Variants in PLCH2 observed in about 807,000 individuals in gnomAD.
PLCH2 encodes the protein phospholipase C eta 2.
In PLCH2, 98 loss-of-function variants were observed where a neutral mutation model predicts 134.7. The ratio of observed to expected loss-of-function variants is 0.73; its 90% CI spans 0.62 to 0.86. The LOEUF (loss-of-function observed/expected upper bound fraction) is 0.86. Ranked by LOEUF, PLCH2 falls within the 40% of genes least tolerant of loss-of-function variation. PLCH2 has a pLI of 0.00. For missense variants in PLCH2, 1,994 were observed against 1,986.6 expected (o/e 1.00, Z -0.07); for synonymous variants, 974 against 827.5 (o/e 1.18, Z -3.04).
intron 2 of PLCH2, among the ~76,000 whole-genome samples, chr1:2,432,295 A>C (rs566518303): frequency 7.6e-4 from 116 of 152,292 alleles, no homozygotes; most frequent in African/African-American, 2.6e-3. Flanking sequence ...TTGGGAGTGC[A>C]GCTTGGGGGT....
At chr1:2,447,063 C>A (rs1639977141) in intron 2 of PLCH2, among the ~76,000 whole-genome samples, 1 of 152,202 alleles carries the variant, frequency 6.6e-6, no homozygotes, top group South Asian at 2.1e-4. Flanking sequence ...CTCATGTGCT[C>A]CCAGCAGCCT....
chr1:2,424,406 T>C (rs1638669538), upstream of PLCH2, among the ~76,000 whole-genome samples: 1 of 152,202 alleles, frequency 6.6e-6, no homozygotes, highest in African/African-American at 2.4e-5. Flanking sequence ...AGGGACCAGC[T>C]TTCTACCCTG....
chr1:2,458,953 T>C (rs1452855526), intron 2 of PLCH2, among the ~76,000 whole-genome samples: 1 of 152,172 alleles, frequency 6.6e-6, no homozygotes, highest in African/African-American at 2.4e-5. Context: ...GTGCTGCTTC[T>C]CAGCAGCCTG....
chr1:2,434,935 G>A (rs1225712802), intron 2 of PLCH2, among the ~76,000 whole-genome samples: 1 of 152,216 alleles, frequency 6.6e-6, no homozygotes, highest in Non-Finnish European at 1.5e-5. Flanking sequence ...GGGAAGGCAG[G>A]CCCCTAGAAG....
intron 2 of PLCH2, among the ~76,000 whole-genome samples, chr1:2,455,084 C>T (rs1570315098): frequency 6.6e-6 from 1 of 152,320 alleles, no homozygotes; most frequent in East Asian, 1.9e-4. Flanking sequence ...TGGGCCAGAC[C>T]CCCATGATGC....
intron 2 of PLCH2, among the ~76,000 whole-genome samples, chr1:2,445,105 T>C (rs1039851548): frequency 1.4e-4 from 22 of 152,026 alleles, no homozygotes; most frequent in Admixed American, 4.6e-4. Flanking sequence ...TGGCCCCCAC[T>C]ATGTTCCCTC....
At chr1:2,477,571 G>A (rs1475351153) in intron 1 of PLCH2, among the ~76,000 whole-genome samples, 1 of 152,152 alleles carries the variant, frequency 6.6e-6, no homozygotes, top group Non-Finnish European at 1.5e-5. Flanking sequence ...CAGGAACCGA[G>A]GGGGTGAGAC....
Position 2,476,613 on chromosome 1 carries a change from GACA to G in PLCH2, c.26_28del (p.Asp9_Ser10delinsGly). The G allele has an allele frequency of 6.3e-7, 1 of 1,588,650 alleles. No homozygotes were observed. The highest frequency in any genetic ancestry group is 8.5e-7 in the Non-Finnish European group (1 of 1,170,066). The stretch of plus-strand genomic sequence containing the variant: ...CATGTCTGGTCCATGGCCCTCCCCC[GACA>G]GCCGGACCAAGGGAACGGTGGCCTG... On this transcript the variant is annotated inframe_deletion, in exon 1 of 22. Coordinates refer to ENST00000378486, the MANE Select transcript of PLCH2 (RefSeq NM_014638.4).
intron 4 of PLCH2, among the ~76,000 whole-genome samples, chr1:2,483,905 C>T (rs1168074899): frequency 1.1e-5 from 1 of 92,948 alleles, no homozygotes; most frequent in Non-Finnish European, 2.2e-5. Flanking sequence ...TGTGGGGGGG[C>T]GCTGACTCCC....
intron 11 of PLCH2, among the ~76,000 whole-genome samples, chr1:2,494,102 G>C (rs1206733102): frequency 1.3e-5 from 2 of 152,288 alleles, no homozygotes; most frequent in East Asian, 3.9e-4. Context: ...CACCCTTGGT[G>C]GGGGACAGGA....
chr1:2,498,663 A>G lies in PLCH2; in HGVS notation c.2349+16A>G. On this transcript the variant is annotated intron_variant, in intron 17 of 21. Coordinates refer to ENST00000378486, the MANE Select transcript of PLCH2 (RefSeq NM_014638.4). This position sits in a 1 kb window ranked among gnomAD's most constrained non-coding sequence, Gnocchi z 5.4. ...CCGTGGGGAGGTGGGGGCCAGCCCC[A>G]CACAGGCGGGAGGGGTGGGAGTTGG... 1 of 1,189,104 alleles carries G rather than the reference A, an allele frequency of 8.4e-7. No individual in the cohort carries two copies. The highest frequency in any genetic ancestry group is 1.2e-6 in the Non-Finnish European group (1 of 857,024). The allele number at this position is 1,189,104 out of a possible 1,614,324, so 73.7% of individuals were successfully genotyped here.
intron 1 of PLCH2, among the ~76,000 whole-genome samples, chr1:2,470,780 GCAGGC>G (rs1267937385): frequency 1.1e-4 from 17 of 152,296 alleles, no homozygotes; most frequent in Admixed American, 5.2e-4. Context: ...CTCCCAGCTG[GCAGGC>G]CAGGCTCCAT....
At position 2,446,012 on chromosome 1, in the gene PLCH2, C is replaced by T. The variant is rs570674859; in HGVS notation, c.115+15383C>T. Among the ~76,000 whole-genome samples, 809 of 152,284 alleles carry T rather than the reference C, an allele frequency of 5.3e-3. 3 individuals carry two copies. Among genetic ancestry groups the T allele is most frequent in the Non-Finnish European group, 8.4e-3 (571 of 68,030 alleles). On this transcript the variant is annotated intron_variant, in intron 2 of 3. Coordinates refer to the PLCH2 transcript ENST00000609981. ...CCAGAGCCCCAAGAGCTGCCTGCCA[C>T]CTGCTCCAGTGATGGGCACGCCGAC... is the stretch of plus-strand genomic sequence containing the variant.
chr1:2,428,073 C>A (rs1638886158), intron 1 of PLCH2, among the ~76,000 whole-genome samples: 1 of 152,188 alleles, frequency 6.6e-6, no homozygotes, highest in African/African-American at 2.4e-5. Context: ...GGCTGTGCTT[C>A]CTGATTCAAT....
chr1:2,504,255 G>C lies in PLCH2; in HGVS notation c.3293G>C (p.Gly1098Ala). The change falls in exon 22 of 22, where the codon GGG (glycine) becomes GCG (alanine). Residue 1098 changes from glycine (G) to alanine (A), a missense_variant. Transcript: ENST00000378486. ...LPVIRRVKSE[G>A]QVPTEPLGGW... ...GTGATTAGAAGGGTGAAGAGTGAGG[G>C]GCAGGTGCCCACGGAGCCCCTGGGA... The C allele has an allele frequency of 6.3e-7, 1 of 1,590,362 alleles. No homozygotes were observed. Among genetic ancestry groups the C allele is most frequent in the Non-Finnish European group, 8.5e-7 (1 of 1,170,048 alleles).
rs371410447 is a variant in PLCH2 at position 2,504,670 on chromosome 1, C to T, written c.3708C>T (p.Pro1236=). 15 of 1,612,502 alleles carry T rather than the reference C, an allele frequency of 9.3e-6. No individual in the cohort carries two copies. In the Admixed American group the frequency reaches 2.2e-4, roughly 23 times the overall value. ...TGGCTGGCCTCCCCTTCCGGCCTCC[C>T]TGGGGCTGCCTTTCCCTGGTGGGCG... ...PRMAGLPFRP[P]WGCLSLVGVQ... The change falls in exon 22 of 22, where the codon CCC becomes CCT. Residue 1236 remains proline, a synonymous_variant. Transcript: ENST00000378486.
chr1:2,446,237 T>A (rs908570790), intron 2 of PLCH2, among the ~76,000 whole-genome samples: 1 of 152,212 alleles, frequency 6.6e-6, no homozygotes, highest in African/African-American at 2.4e-5. Context: ...TCTGGGGCTG[T>A]CACAGGCCCC....
rs932067546 is a variant in PLCH2 at position 2,498,437 on chromosome 1, G to A, written c.2225-86G>A. 1.8e-5 allele frequency: 27 copies of A among 1,468,590 alleles called. No individual in the cohort carries two copies. The African/African-American group carries it at 2.0e-4, about 11-fold the overall frequency. 91.0% of individuals were successfully genotyped at this position (1,468,590 alleles called of 1,614,324 possible). ...CTCCAGTCTCCTATGTGGGGGCTGG[G>A]GAGGGGGCTGTTGGCAGCCATGCCC... On this transcript the variant is annotated intron_variant, in intron 16 of 21. Coordinates refer to ENST00000378486, the MANE Select transcript of PLCH2 (RefSeq NM_014638.4). This position sits in a 1 kb window ranked among gnomAD's most constrained non-coding sequence, Gnocchi z 5.4.
chr1:2,502,648 C>G, intron 21 of PLCH2: 1 of 678,600 alleles, frequency 1.5e-6, no homozygotes, highest in South Asian at 1.6e-5. Flanking sequence ...TGGGGGCCCC[C>G]TGCTGTGGCC....
Sources: gnomAD v4.1 joint callset for allele counts (sites outside exome capture counted in the v4.1 genomes callset) on GRCh38, gnomAD v4.1.1 for gene constraint, Gnocchi (gnomAD v3.1) non-coding constraint, MANE v1.5 for transcripts, NCBI Gene and HGNC (gene_info 2026-07-23, HGNC 2026-07-21) for gene names.